AGMO: variants seen among roughly 807,000 people sequenced by gnomAD.
AGMO encodes alkylglycerol monooxygenase.
In AGMO, 75 loss-of-function variants were observed where a neutral mutation model predicts 60.2. The ratio of observed to expected loss-of-function variants is 1.25; its 90% confidence interval spans 1.03 to 1.51. The LOEUF (loss-of-function observed/expected upper bound fraction) is 1.51. Ranked by LOEUF, AGMO falls within the 40% of genes most tolerant of loss-of-function variation. The probability of loss-of-function intolerance (pLI) is 0.00; values close to 1 mark genes in which losing one functional copy is unlikely to be tolerated. For missense variants in AGMO, 763 were observed against 525.5 expected, an observed-to-expected ratio of 1.45 and a Z score of -4.42; for synonymous variants, 261 against 177.1, an observed-to-expected ratio of 1.47 and a Z score of -3.76.
chr7:15,268,175 A>G (rs999500491), intron 12 of AGMO, among the ~76,000 whole-genome samples: 3 of 152,040 alleles, frequency 2.0e-5, no homozygotes, highest in Non-Finnish European at 2.9e-5. Flanking sequence ...ATGTAATGAA[A>G]AAACAAAATC....
At position 15,353,999 on chromosome 7, in the gene AGMO, T is replaced by C. The variant is rs1019271536; in HGVS notation, c.1263+11515A>G. On this transcript the variant is annotated intron_variant, in intron 12 of 12. Transcript: ENST00000342526. Reference sequence around the variant, plus strand: ...GAAAATTTCATGTGATAGTTTGCAATTTACTGTGTCAAAACTAGTCTTTTA... The same window carrying C: ...GAAAATTTCATGTGATAGTTTGCAACTTACTGTGTCAAAACTAGTCTTTTA... 2.6e-5 allele frequency among the ~76,000 whole-genome samples: 4 copies of C among 152,268 alleles called. No individual in the cohort carries two copies. In the South Asian group the frequency reaches 6.2e-4, roughly 24 times the overall value.
intron 12 of AGMO, among the ~76,000 whole-genome samples, chr7:15,303,925 A>T (rs1780528902): frequency 6.6e-6 from 1 of 152,158 alleles, no homozygotes; most frequent in Non-Finnish European, 1.5e-5. Flanking sequence ...CGTTAAAATC[A>T]TGATATAGAC....
intron 3 of AGMO, among the ~76,000 whole-genome samples, chr7:15,532,276 A>C (rs1288134621): frequency 6.6e-6 from 1 of 152,232 alleles, no homozygotes; most frequent in Non-Finnish European, 1.5e-5. Flanking sequence ...TGTGTGTTGC[A>C]TTTAATGAAA....
At chr7:15,349,662 A>G (rs1054211377) in intron 12 of AGMO, among the ~76,000 whole-genome samples, 2 of 152,156 alleles carry the variant, frequency 1.3e-5, no homozygotes, top group Non-Finnish European at 1.5e-5. Flanking sequence ...AAGACTGGGT[A>G]ATTTATAAAG....
chr7:15,146,748 G>T, the AGMO span, among the ~76,000 whole-genome samples: 1 of 152,142 alleles, frequency 6.6e-6, no homozygotes, highest in Admixed American at 6.5e-5. Context: ...ACAGATGCAA[G>T]TATCACCATA....
intron 12 of AGMO, among the ~76,000 whole-genome samples, chr7:15,349,610 G>A (rs1230199861): frequency 6.6e-6 from 1 of 151,964 alleles, no homozygotes; most frequent in African/African-American, 2.4e-5. Context: ...TATACAAATG[G>A]TGTATTAGCC....
the AGMO span, among the ~76,000 whole-genome samples, chr7:15,127,988 A>G: frequency 6.6e-6 from 1 of 151,954 alleles, no homozygotes; most frequent in African/African-American, 2.4e-5. Flanking sequence ...ATCCATATTC[A>G]TATAATTTCC....
At chr7:15,349,546 A>G (rs1025931096) in intron 12 of AGMO, among the ~76,000 whole-genome samples, 2 of 152,056 alleles carry the variant, frequency 1.3e-5, no homozygotes, top group African/African-American at 4.8e-5. Context: ...TAGACCCAAT[A>G]CCTACCTCAT....
chr7:15,344,170 A>G (rs1422265289), intron 12 of AGMO, among the ~76,000 whole-genome samples: 1 of 152,202 alleles, frequency 6.6e-6, no homozygotes, highest in Non-Finnish European at 1.5e-5. Context: ...TGAAGCATCT[A>G]AACAATGTAT....
chr7:15,196,188 A>G (rs1295928812), downstream of AGMO, among the ~76,000 whole-genome samples: 5 of 150,496 alleles, frequency 3.3e-5, no homozygotes, highest in East Asian at 9.8e-4. Flanking sequence ...TATTACAGGC[A>G]CCACCACCAC....
intron 3 of AGMO, among the ~76,000 whole-genome samples, chr7:15,499,683 A>G (rs1203007717): frequency 1.3e-5 from 2 of 151,798 alleles, no homozygotes; most frequent in Admixed American, 1.3e-4. Flanking sequence ...TGAATAAGGG[A>G]TATATGCACG....
chr7:15,327,740 CT>C (rs546851399), intron 12 of AGMO, among the ~76,000 whole-genome samples: 1,123 of 88,000 alleles, frequency 0.013, 5 homozygotes, highest in African/African-American at 0.046. Flanking sequence ...TGATTTCTTT[CT>C]TTTTTTTTTT....
intron 3 of AGMO, among the ~76,000 whole-genome samples, chr7:15,526,128 C>T (rs372811807): frequency 2.6e-5 from 4 of 152,238 alleles, no homozygotes; most frequent in East Asian, 3.9e-4. Flanking sequence ...AGGCACTGCC[C>T]GGCGGGCTGA....
chr7:15,454,031 T>C (rs1024329391), intron 3 of AGMO, among the ~76,000 whole-genome samples: 1 of 148,794 alleles, frequency 6.7e-6, no homozygotes, highest in South Asian at 2.1e-4. Context: ...TTATATATTT[T>C]TTATATATAT....
intron 3 of AGMO, among the ~76,000 whole-genome samples, chr7:15,520,355 A>C (rs886274632): frequency 6.6e-6 from 1 of 152,184 alleles, no homozygotes; most frequent in African/African-American, 2.4e-5. Context: ...GACCTAATAG[A>C]CATCTACAGA....
chr7:15,122,244 G>A, the AGMO span, among the ~76,000 whole-genome samples: 38 of 152,136 alleles, frequency 2.5e-4, no homozygotes, highest in African/African-American at 8.7e-4. Context: ...GTGGGCAAAC[G>A]ATATGAACAG....
intron 12 of AGMO, among the ~76,000 whole-genome samples, chr7:15,214,768 C>T (rs897611943): frequency 3.9e-5 from 6 of 152,012 alleles, no homozygotes; most frequent in Admixed American, 1.3e-4. Context: ...GAGTGGAATA[C>T]ACCTTGCAAT....
chr7:15,519,747 A>C (rs1409542260), intron 3 of AGMO, among the ~76,000 whole-genome samples: 2 of 152,166 alleles, frequency 1.3e-5, no homozygotes, highest in Non-Finnish European at 2.9e-5. Context: ...AACTGCATCA[A>C]CTAATGGGCA....
At chr7:15,531,597 T>C (rs560490361) in intron 3 of AGMO, among the ~76,000 whole-genome samples, 1 of 116,000 alleles carries the variant, frequency 8.6e-6, no homozygotes, top group Non-Finnish European at 1.7e-5. Flanking sequence ...ATATATATTC[T>C]ATATATATAT....
Sources: gnomAD v4.1 joint callset for allele counts (sites outside exome capture counted in the v4.1 genomes callset) on GRCh38, gnomAD v4.1.1 for gene constraint, MANE v1.5 for transcripts, NCBI Gene and HGNC (gene_info 2026-07-23, HGNC 2026-07-21) for gene names.